Variants in DNAH9 observed in about 807,000 individuals in gnomAD.
The protein encoded by DNAH9 is DNAH9 variant protein.
In DNAH9, 345 loss-of-function variants were observed where a neutral mutation model predicts 471.6. The ratio of observed to expected loss-of-function variants is 0.73; its 90% CI spans 0.67 to 0.80. The LOEUF (loss-of-function observed/expected upper bound fraction) is 0.80, where lower values mean the gene tolerates loss of function less well. Ranked by LOEUF, DNAH9 falls within the 30% of genes least tolerant of loss-of-function variation. The pLI is 0.00. For missense variants in DNAH9, 5,407 were observed against 5,609.2 expected, an observed-to-expected ratio of 0.96 and a Z score of 1.15; for synonymous variants, 2,093 against 2,123.6, an observed-to-expected ratio of 0.99 and a Z score of 0.40.
intron 22 of DNAH9, among the ~76,000 whole-genome samples, chr17:11,698,088 T>C (rs1470513710): frequency 7.1e-6 from 1 of 140,888 alleles, no homozygotes; most frequent in Non-Finnish European, 1.5e-5. Context: ...TTATAGCATA[T>C]ATAGTATATA....
At position 11,694,633 on chromosome 17, in the gene DNAH9, G is replaced by T. The variant is rs534564956; in HGVS notation, c.4872+186G>T. Reference sequence around the variant, plus strand: ...TGCTTTCTTGCTTTCTTGCTTTCTTGCTTTCTTGCTTTCTCGCTTTCTCGC... The same window carrying T: ...TGCTTTCTTGCTTTCTTGCTTTCTTTCTTTCTTGCTTTCTCGCTTTCTCGC... On this transcript the variant is annotated intron_variant, in intron 22 of 68. Transcript: ENST00000262442. Among the ~76,000 whole-genome samples the T allele has an allele frequency of 0.28, 1,890 of 6,824 alleles. 486 individuals carry two copies. The highest frequency in any genetic ancestry group is 0.6 in the Non-Finnish European group (847 of 1,414). 4.5% of individuals were successfully genotyped at this position (6,824 alleles called of 152,430 possible). A position where few individuals can be genotyped will look rare whatever the true frequency, so the allele number is the denominator to read the frequency against.
chr17:11,687,929 A>T (rs961506281), intron 19 of DNAH9, among the ~76,000 whole-genome samples: 6 of 151,402 alleles, frequency 4.0e-5, no homozygotes, highest in African/African-American at 1.2e-4. Flanking sequence ...AGGTCAGGAG[A>T]TGGAGACCAT....
chr17:11,698,554 G>A (rs1215263087), intron 22 of DNAH9, among the ~76,000 whole-genome samples: 1 of 151,650 alleles, frequency 6.6e-6, no homozygotes, highest in East Asian at 1.9e-4. Flanking sequence ...AGTGTGGGTG[G>A]TGTTTCCATG....
intron 46 of DNAH9, among the ~76,000 whole-genome samples, 167 bp from the exon 47 acceptor site, chr17:11,822,271 C>T (rs757170312): frequency 2.6e-5 from 4 of 152,300 alleles, no homozygotes; most frequent in Non-Finnish European, 4.4e-5. Flanking sequence ...GCAGTCCCAG[C>T]GTTTTTGATC....
intron 4 of DNAH9, among the ~76,000 whole-genome samples, chr17:11,614,772 C>T (rs1467259891): frequency 0.031 from 5 of 160 alleles, no homozygotes; most frequent in South Asian, 0.5. Flanking sequence ...ACCTGATAGA[C>T]GGTGGAAGGC....
intron 19 of DNAH9, among the ~76,000 whole-genome samples, chr17:11,685,044 G>A (rs1052202339): frequency 6.6e-6 from 1 of 152,172 alleles, no homozygotes; most frequent in Admixed American, 6.5e-5. Context: ...AGCAAAAAAG[G>A]ATGTAGCTGT....
chr17:11,881,175 G>T, intron 54 of DNAH9, 34 bp from the exon 55 acceptor site: 11 of 1,611,236 alleles, frequency 6.8e-6, no homozygotes, highest in Non-Finnish European at 9.3e-6. Context: ...TTGCAGGAAG[G>T]CACCTTACCT....
chr17:11,825,114 G>A (rs1970445114), intron 48 of DNAH9, among the ~76,000 whole-genome samples: 1 of 152,012 alleles, frequency 6.6e-6, no homozygotes, highest in African/African-American at 2.4e-5. Flanking sequence ...CCTCTTCTTA[G>A]GATTCCAGTT....
rs150664249 is a variant in DNAH9, at chr17:11,781,950, C to T, written c.7718+776C>T. Among the ~76,000 whole-genome samples the T allele has an allele frequency of 3.9e-4, 59 of 150,386 alleles. No individual in the cohort carries two copies. In the East Asian group the frequency reaches 7.4e-3, roughly 19 times the overall value. On this transcript the variant is annotated intron_variant, in intron 39 of 68. Coordinates refer to ENST00000262442, the MANE Select transcript of DNAH9 (RefSeq NM_001372.4). ...TCAGAGGGCTGGATAGTATCTCTTG[C>T]GACAGCATAATTTTTAATGGCAAAA...
In DNAH9 at chr17:11,621,482, G is replaced by A. The variant is rs551675725; in HGVS notation, c.1350+1701G>A. 3.3e-5 allele frequency among the ~76,000 whole-genome samples: 5 copies of A among 151,718 alleles called. No homozygotes were observed. The South Asian group carries it at 1.0e-3, about 32-fold the overall frequency. On this transcript the variant is annotated intron_variant, in intron 6 of 68. Transcript: ENST00000262442. ...CAAGAATCATATTCCCAGCTGTCAT[G>A]AGCAGGTTTGGAGGAAAGAGAGCTA...
At chr17:11,966,913 G>T (rs190525369) in intron 68 of DNAH9, among the ~76,000 whole-genome samples, 1,627 of 151,264 alleles carry the variant, frequency 0.011, 32 homozygotes, top group African/African-American at 0.037. Context: ...CACACACCTG[G>T]AGTCCCAGCT....
intron 48 of DNAH9, among the ~76,000 whole-genome samples, chr17:11,830,369 C>T (rs1468564522): frequency 6.6e-6 from 1 of 152,182 alleles, no homozygotes; most frequent in African/African-American, 2.4e-5. Flanking sequence ...GACCTCAAGG[C>T]CATTGCCAAT....
At chr17:11,961,412 T>C (rs1367586401) in intron 67 of DNAH9, among the ~76,000 whole-genome samples, 1 of 152,258 alleles carries the variant, frequency 6.6e-6, no homozygotes, top group Admixed American at 6.5e-5. Context: ...TGATTACATA[T>C]CCAATAGCTC....
At chr17:11,872,648 C>T (rs1358622663) in intron 52 of DNAH9, among the ~76,000 whole-genome samples, 1 of 152,056 alleles carries the variant, frequency 6.6e-6, no homozygotes, top group Non-Finnish European at 1.5e-5. Context: ...GGGCCGGGCG[C>T]GGTGGCTCAC....
At chr17:11,778,357 AAAAAAG>A (rs1326101060) in intron 38 of DNAH9, among the ~76,000 whole-genome samples, 5 of 138,464 alleles carry the variant, frequency 3.6e-5, no homozygotes, top group African/African-American at 5.6e-5. Flanking sequence ...AAAAAAAAAA[AAAAAAG>A]AAAAGGGAAG....
chr17:11,783,762 C>T lies in DNAH9; in HGVS notation c.7821+14C>T. On this transcript the variant is annotated intron_variant, in intron 40 of 68. Coordinates refer to ENST00000262442, the MANE Select transcript of DNAH9 (RefSeq NM_001372.4). ...CCCCGGCTTCAGGTACAGGAGGAGC[C>T]ATGGGACCTGGGTCCTAATCCTATC... is the stretch of plus-strand genomic sequence containing the variant. 1 of 1,607,612 alleles carries T rather than the reference C, an allele frequency of 6.2e-7. No homozygotes were observed.
chr17:11,859,960 C>A (rs1325008642), intron 50 of DNAH9, among the ~76,000 whole-genome samples: 2 of 152,136 alleles, frequency 1.3e-5, no homozygotes, highest in East Asian at 3.9e-4. Flanking sequence ...ACACTCTTAC[C>A]CCTGCCTTCA....
intron 20 of DNAH9, among the ~76,000 whole-genome samples, chr17:11,690,715 T>C (rs1210594320): frequency 1.3e-5 from 2 of 151,630 alleles, no homozygotes; most frequent in African/African-American, 4.9e-5. Context: ...ATAAGAAAGA[T>C]TAAAAAAAAA....
chr17:11,727,931 C>T lies in DNAH9; in HGVS notation c.5814+9C>T, dbSNP rs1488375697. On this transcript the variant is annotated intron_variant, in intron 28 of 68. Transcript: ENST00000262442. ...CAGTGGTGGCAGTGCAGGTAAGGGC[C>T]AGAAGTTGGTGGGAGCCTTGTGGTC... 2 of 1,590,752 alleles carry T rather than the reference C, an allele frequency of 1.3e-6. No homozygotes were observed. The highest frequency in any genetic ancestry group is 1.7e-6 in the Non-Finnish European group (2 of 1,158,904).
Sources: allele counts gnomAD v4.1 joint callset (sites outside exome capture counted in the v4.1 genomes callset), GRCh38; gene constraint gnomAD v4.1.1; transcripts MANE v1.5; gene names NCBI Gene and HGNC (gene_info 2026-07-23, HGNC 2026-07-21).